BICDL1: variants seen among roughly 807,000 people sequenced by gnomAD.
BICDL1 encodes BICD family-like cargo adapter 1.
In BICDL1, 20 loss-of-function variants were observed where a neutral mutation model predicts 76.8. The observed-to-expected ratio is 0.26, with a 90% CI of 0.18 to 0.38. The LOEUF is 0.38. Among genes scored for constraint, BICDL1 ranks in the 10% least tolerant of loss-of-function variants. The probability of loss-of-function intolerance (pLI) is 1.00; values close to 1 mark genes in which losing one functional copy is unlikely to be tolerated. For synonymous variants in BICDL1, 383 were observed against 337.1 expected (o/e 1.14, Z -1.49); for missense variants, 700 against 798.6 (o/e 0.88, Z 1.49).
At chr12:120,021,002 CTGGTCTCG>C (rs1316640130) in intron 2 of BICDL1, among the ~76,000 whole-genome samples, 3 of 152,152 alleles carry the variant, frequency 2.0e-5, no homozygotes, top group Middle Eastern at 6.3e-3. Context: ...AAAAAAAACA[CTGGTCTCG>C]TGGTGTCTAC....
At chr12:120,085,987 C>A (rs1230749070) in intron 8 of BICDL1, among the ~76,000 whole-genome samples, 2 of 136,562 alleles carry the variant, frequency 1.5e-5, no homozygotes, top group African/African-American at 6.2e-5. Flanking sequence ...GTTGTCCAGT[C>A]TTTCTCCCTT....
intron 2 of BICDL1, among the ~76,000 whole-genome samples, chr12:120,042,520 T>C (rs1351005194): frequency 6.6e-6 from 1 of 151,958 alleles, no homozygotes; most frequent in Non-Finnish European, 1.5e-5. Context: ...AGAACCTAAG[T>C]CAGGCCGGGC....
intron 2 of BICDL1, among the ~76,000 whole-genome samples, chr12:120,012,191 A>G (rs1217803470): frequency 3.3e-5 from 5 of 152,164 alleles, no homozygotes; most frequent in Non-Finnish European, 7.4e-5. Context: ...GGTTGAGATG[A>G]TTGGTGCCAC....
At chr12:119,995,537 C>T (rs1288857293) in intron 1 of BICDL1, among the ~76,000 whole-genome samples, 5 of 152,144 alleles carry the variant, frequency 3.3e-5, no homozygotes, top group Non-Finnish European at 5.9e-5. Context: ...ATTTATCTGG[C>T]CTCTCAGTAA....
Position 120,071,570 on chromosome 12 carries a change from G to C in BICDL1, c.910-52G>C. ...GCATGATCAGGTTGAGGGTCAGTTT[G>C]TCTTGGTTTTTGTGTTTGGTAAACC... is the stretch of plus-strand genomic sequence containing the variant. On this transcript the variant is annotated intron_variant, in intron 4 of 9. Transcript: ENST00000548673. This position sits in a 1 kb window ranked among gnomAD's most constrained non-coding sequence, Gnocchi z 4.8. The C allele has an allele frequency of 6.5e-7, 1 of 1,544,094 alleles. No individual in the cohort carries two copies. Among genetic ancestry groups the C allele is most frequent in the Non-Finnish European group, 8.7e-7 (1 of 1,145,550 alleles).
chr12:120,084,122 CCT>C (rs1433530780), intron 8 of BICDL1, among the ~76,000 whole-genome samples: 1 of 152,154 alleles, frequency 6.6e-6, no homozygotes, highest in East Asian at 1.9e-4. Flanking sequence ...CATGCCTCAG[CCT>C]CCCGAGTAGC....
At chr12:120,084,932 C>T (rs1177460459) in intron 8 of BICDL1, among the ~76,000 whole-genome samples, 1 of 150,784 alleles carries the variant, frequency 6.6e-6, no homozygotes, top group Non-Finnish European at 1.5e-5. Context: ...ACCTCACTTC[C>T]ACACACACTT....
chr12:120,041,575 T>C (rs1952642767), intron 2 of BICDL1, among the ~76,000 whole-genome samples: 1 of 151,858 alleles, frequency 6.6e-6, no homozygotes. Context: ...ATCTGTCGGG[T>C]GTAATAAGCG....
rs1951899728 is a variant in BICDL1 at position 120,008,849 on chromosome 12, T to C, written c.645+10113T>C. 2.0e-5 allele frequency among the ~76,000 whole-genome samples: 3 copies of C among 151,990 alleles called. No individual in the cohort carries two copies. The South Asian group carries it at 6.2e-4, about 32-fold the overall frequency. On this transcript the variant is annotated intron_variant, in intron 2 of 9. Transcript: ENST00000548673. ...CCTTTTACATAGGAGCTCTCTTCTG[T>C]GAAGACAGATTTTCCAGCATTTCCA...
intron 2 of BICDL1, among the ~76,000 whole-genome samples, chr12:120,018,509 G>A (rs1227705213): frequency 1.3e-5 from 2 of 152,124 alleles, no homozygotes; most frequent in African/African-American, 2.4e-5. Flanking sequence ...CTTAAATCTT[G>A]AAGTCAGGGT....
chr12:120,074,594 C>T lies in BICDL1; in HGVS notation c.1452+8C>T, dbSNP rs921595530. On this transcript the variant is annotated splice_region_variant and intron_variant, in intron 7 of 9. Transcript: ENST00000548673. ...CAGCGACTCCACAGTCAGGTGAGCA[C>T]CCCAACCTTCAGTTCAGTGCAGGGC... 3 of 1,208,132 alleles carry T rather than the reference C, an allele frequency of 2.5e-6. No homozygotes were observed. Among genetic ancestry groups the T allele is most frequent in the African/African-American group, 3.2e-5 (2 of 62,714 alleles). The allele number at this position is 1,208,132 out of a possible 1,614,324, so 74.8% of individuals were successfully genotyped here.
At chr12:120,022,946 A>T (rs1425106886) in intron 2 of BICDL1, among the ~76,000 whole-genome samples, 1 of 152,238 alleles carries the variant, frequency 6.6e-6, no homozygotes, top group African/African-American at 2.4e-5. Flanking sequence ...AGGTCTCTTG[A>T]GTATTCATCA....
chr12:120,019,755 A>G (rs1952141764), intron 2 of BICDL1, among the ~76,000 whole-genome samples: 1 of 152,172 alleles, frequency 6.6e-6, no homozygotes, highest in African/African-American at 2.4e-5. Context: ...TGGCAGACAC[A>G]TTATTTTGAT....
At chr12:120,019,016 G>T (rs1457040253) in intron 2 of BICDL1, 1 of 146,116 alleles carries the variant, frequency 6.8e-6, no homozygotes, top group African/African-American at 2.6e-5. Context: ...CTGCACTCCA[G>T]CCTGGGCGAC....
intron 1 of BICDL1, among the ~76,000 whole-genome samples, chr12:119,993,619 C>CT (rs768811880): frequency 0.034 from 4,794 of 139,680 alleles, 170 homozygotes; most frequent in African/African-American, 0.087. Flanking sequence ...AAAGTTGTTT[C>CT]TTTTTTTTTT....
intron 2 of BICDL1, among the ~76,000 whole-genome samples, chr12:120,003,295 A>G (rs1951794058): frequency 6.6e-6 from 1 of 152,244 alleles, no homozygotes; most frequent in African/African-American, 2.4e-5. Context: ...GTTAGACTGT[A>G]AACTCTATGA....
chr12:120,069,794 A>AGATGCT (rs1209644276), intron 4 of BICDL1, among the ~76,000 whole-genome samples: 1 of 152,228 alleles, frequency 6.6e-6, no homozygotes, highest in East Asian at 1.9e-4. Context: ...ATGGAGATCA[A>AGATGCT]GATACAGACC....
intron 2 of BICDL1, among the ~76,000 whole-genome samples, chr12:120,023,626 T>TA: frequency 6.6e-6 from 1 of 151,980 alleles, no homozygotes; most frequent in South Asian, 2.1e-4. Context: ...CCATCTCTAC[T>TA]AAAAATACAA....
chr12:120,035,255 G>A lies in BICDL1; in HGVS notation c.646-26455G>A, dbSNP rs548674810. On this transcript the variant is annotated intron_variant, in intron 2 of 9. Transcript: ENST00000548673. ...GGAGGCTGAGGCAGGAGAATTGCTGGAACCCGGGAGGTGGAGGTGGCAGTG... is the reference window on the plus strand; with the variant it reads ...GGAGGCTGAGGCAGGAGAATTGCTGAAACCCGGGAGGTGGAGGTGGCAGTG... Among the ~76,000 whole-genome samples the A allele has an allele frequency of 9.2e-5, 14 of 152,314 alleles. No individual in the cohort carries two copies. In the South Asian group the frequency reaches 2.9e-3, roughly 32 times the overall value.
Sources: gnomAD v4.1 joint callset for allele counts (sites outside exome capture counted in the v4.1 genomes callset) on GRCh38, gnomAD v4.1.1 for gene constraint, Gnocchi (gnomAD v3.1) non-coding constraint, MANE v1.5 for transcripts, NCBI Gene and HGNC (gene_info 2026-07-23, HGNC 2026-07-21) for gene names.